Variants in UBE2E1 observed in about 807,000 individuals in gnomAD.
The protein encoded by UBE2E1 is ubiquitin conjugating enzyme E2 E1.
In UBE2E1, 6 loss-of-function variants were observed where a neutral mutation model predicts 21.4. The ratio of observed to expected loss-of-function variants is 0.28; its 90% CI spans 0.15 to 0.55. The LOEUF is 0.55. Ranked by LOEUF, UBE2E1 falls within the 20% of genes least tolerant of loss-of-function variation. The probability of loss-of-function intolerance (pLI) is 0.93; values close to 1 mark genes in which losing one functional copy is unlikely to be tolerated. For missense variants in UBE2E1, 142 were observed against 236.5 expected (o/e 0.60, Z 2.62); for synonymous variants, 87 against 82.7 (o/e 1.05, Z -0.28).
chr3:23,868,543 G>A (rs1466655358), intron 3 of UBE2E1, among the ~76,000 whole-genome samples: 1 of 152,036 alleles, frequency 6.6e-6, no homozygotes, highest in Non-Finnish European at 1.5e-5. Flanking sequence ...TCCTGACCTT[G>A]TGATCCGCCT....
At chr3:23,814,809 G>T (rs1188163848) in intron 3 of UBE2E1, among the ~76,000 whole-genome samples, 2 of 152,042 alleles carry the variant, frequency 1.3e-5, no homozygotes, top group African/African-American at 4.8e-5. Context: ...CAGACTAAAT[G>T]GCATATTTTG....
chr3:23,871,577 G>C (rs1215014122), intron 3 of UBE2E1, among the ~76,000 whole-genome samples: 1 of 151,170 alleles, frequency 6.6e-6, no homozygotes, highest in Non-Finnish European at 1.5e-5. Context: ...CTTCCCAGAC[G>C]GGGTGGCTGC....
chr3:23,865,189 A>G (rs1474232886), intron 3 of UBE2E1, among the ~76,000 whole-genome samples: 1 of 152,126 alleles, frequency 6.6e-6, no homozygotes, highest in South Asian at 2.1e-4. Context: ...AGCTCTTACA[A>G]GGTCACATAG....
chr3:23,873,411 G>A (rs1414305933), intron 3 of UBE2E1, among the ~76,000 whole-genome samples: 2 of 150,368 alleles, frequency 1.3e-5, no homozygotes, highest in Middle Eastern at 3.4e-3. Context: ...ATGGCCCTGG[G>A]AGGGTGCAGG....
chr3:23,839,372 G>C (rs1231957926), intron 3 of UBE2E1, among the ~76,000 whole-genome samples: 2 of 151,908 alleles, frequency 1.3e-5, no homozygotes, highest in Admixed American at 1.3e-4. Context: ...GCTGAGGTAG[G>C]AGAATCACTT....
rs902423983 is a variant in UBE2E1 at position 23,863,193 on chromosome 3, A to G, written c.204-24374A>G. ...TTACTTTATATTTCAGTTTTTACCA[A>G]TAACTCTTGATTCATGACAATGGAT... On this transcript the variant is annotated intron_variant, in intron 3 of 5. Coordinates refer to ENST00000306627, the MANE Select transcript of UBE2E1 (RefSeq NM_003341.5). The surrounding 1 kb of genome is among the most constrained non-coding windows in gnomAD (Gnocchi z 4.3). Among the ~76,000 whole-genome samples the G allele has an allele frequency of 1.3e-5, 2 of 152,134 alleles. No homozygotes were observed. Among genetic ancestry groups the G allele is most frequent in the Admixed American group, 6.6e-5 (1 of 15,262 alleles).
intron 3 of UBE2E1, among the ~76,000 whole-genome samples, chr3:23,875,807 C>G (rs938338498): frequency 6.6e-6 from 1 of 152,228 alleles, no homozygotes. Flanking sequence ...GAGTCTCGCT[C>G]TGTCGCCCAG....
At chr3:23,833,455 T>C (rs567333072) in intron 3 of UBE2E1, among the ~76,000 whole-genome samples, 1 of 152,322 alleles carries the variant, frequency 6.6e-6, no homozygotes, top group East Asian at 1.9e-4. Context: ...TCCCTATTTT[T>C]AGAATATTAA....
chr3:23,861,951 A>C (rs1700566716), intron 3 of UBE2E1, among the ~76,000 whole-genome samples: 1 of 152,230 alleles, frequency 6.6e-6, no homozygotes, highest in African/African-American at 2.4e-5. Context: ...CAGGGGTCTA[A>C]TTGAGCTGGT....
chr3:23,847,557 C>T (rs977187455), intron 3 of UBE2E1, among the ~76,000 whole-genome samples: 6 of 131,160 alleles, frequency 4.6e-5, no homozygotes, highest in Admixed American at 9.2e-5. Flanking sequence ...TGCAGTGGTG[C>T]GATCTCAGCT....
rs554178749 is a variant in UBE2E1 at position 23,865,111 on chromosome 3, C to G, written c.204-22456C>G. On this transcript the variant is annotated intron_variant, in intron 3 of 5. Coordinates refer to ENST00000306627, the MANE Select transcript of UBE2E1 (RefSeq NM_003341.5). ...GGTCAGGAATCCAGGCATAGCTTAG[C>G]TGAGCCCTCTGCTCAGGGTCTCTCT... Among the ~76,000 whole-genome samples, 32 of 152,336 alleles carry G rather than the reference C, an allele frequency of 2.1e-4. 1 individual carries two copies. The highest frequency in any genetic ancestry group is 7.5e-4 in the African/African-American group (31 of 41,580).
chr3:23,829,682 A>C (rs1699829531), intron 3 of UBE2E1, among the ~76,000 whole-genome samples: 1 of 152,210 alleles, frequency 6.6e-6, no homozygotes, highest in Admixed American at 6.5e-5. Context: ...CGAGCTAATA[A>C]GAGAAGGAGA....
At chr3:23,813,984 T>G (rs1400339463) in intron 3 of UBE2E1, among the ~76,000 whole-genome samples, 1 of 152,354 alleles carries the variant, frequency 6.6e-6, no homozygotes, top group African/African-American at 2.4e-5. Flanking sequence ...TAGTCTGTCT[T>G]ATATTTTTAC....
intron 3 of UBE2E1, among the ~76,000 whole-genome samples, chr3:23,880,449 C>G (rs983208961): frequency 1.3e-5 from 2 of 152,112 alleles, no homozygotes; most frequent in Non-Finnish European, 2.9e-5. Flanking sequence ...TGCCTTTAGT[C>G]CCAGCTACTA....
intron 3 of UBE2E1, among the ~76,000 whole-genome samples, chr3:23,839,753 A>G (rs907058671): frequency 1.3e-5 from 2 of 152,080 alleles, no homozygotes; most frequent in Non-Finnish European, 2.9e-5. Context: ...TAAAGATGCT[A>G]TGTAACTGTC....
chr3:23,819,518 T>C (rs1018737900), intron 3 of UBE2E1, among the ~76,000 whole-genome samples: 4 of 152,178 alleles, frequency 2.6e-5, no homozygotes, highest in East Asian at 1.9e-4. Context: ...TCTGGTGTTA[T>C]TTGGTTTGTG....
At chr3:23,888,285 T>A (rs1284045288) in intron 4 of UBE2E1, 2 of 456,912 alleles carry the variant, frequency 4.4e-6, no homozygotes, top group Admixed American at 2.3e-5. Flanking sequence ...AAGTCACCCA[T>A]CTCCTGTACT....
At chr3:23,845,579 C>CTGTGTGTGTGTGTG (rs1447535869) in intron 3 of UBE2E1, among the ~76,000 whole-genome samples, 2 of 51,642 alleles carry the variant, frequency 3.9e-5, no homozygotes, top group Non-Finnish European at 9.3e-5. Flanking sequence ...CTCTCTCTCT[C>CTGTGTGTGTGTGTG]TCTCTCTCTC....
In UBE2E1 at chr3:23,810,944, G is replaced by A. The variant is rs1043142670; in HGVS notation, c.153-516G>A. The A allele has an allele frequency of 5.1e-5, 8 of 158,238 alleles. No individual in the cohort carries two copies. Among genetic ancestry groups the A allele is most frequent in the Non-Finnish European group, 1.1e-4 (8 of 72,276 alleles). 9.8% of individuals were successfully genotyped at this position (158,238 alleles called of 1,614,324 possible). ...CGTGGGGAGCGGCCATGTTGGCTTCGTCACTGAGGACTCCGGGCGGGTCGG... is the reference window on the plus strand; with the variant it reads ...CGTGGGGAGCGGCCATGTTGGCTTCATCACTGAGGACTCCGGGCGGGTCGG... On this transcript the variant is annotated intron_variant, in intron 2 of 5. Transcript: ENST00000306627. The surrounding 1 kb of genome is among the most constrained non-coding windows in gnomAD (Gnocchi z 5.8).
Sources: gnomAD v4.1 joint callset for allele counts (sites outside exome capture counted in the v4.1 genomes callset) on GRCh38, gnomAD v4.1.1 for gene constraint, Gnocchi (gnomAD v3.1) non-coding constraint, MANE v1.5 for transcripts, NCBI Gene and HGNC (gene_info 2026-07-23, HGNC 2026-07-21) for gene names.